GALNTL6: variants seen among roughly 807,000 people sequenced by gnomAD.
GALNTL6 encodes the protein polypeptide N-acetylgalactosaminyltransferase like 6, also known as polypeptide N-acetylgalactosaminyltransferase-like 6.
A neutral mutation model predicts 73.7 loss-of-function variants in GALNTL6; 46 were observed. The observed-to-expected ratio is 0.62, with a 90% CI of 0.49 to 0.80. GALNTL6 has a LOEUF of 0.80. Ranked by LOEUF, GALNTL6 falls within the 30% of genes least tolerant of loss-of-function variation. GALNTL6 has a pLI of 0.00. For synonymous variants in GALNTL6, 259 were observed against 263.7 expected (o/e 0.98, Z 0.17); for missense variants, 604 against 755.0 (o/e 0.80, Z 2.34).
chr4:173,001,188 A>T (rs1214589741), intron 10 of GALNTL6, among the ~76,000 whole-genome samples: 2 of 152,186 alleles, frequency 1.3e-5, no homozygotes, highest in Non-Finnish European at 2.9e-5. Context: ...CACAGCCCTC[A>T]GGAGGAACCA....
At chr4:172,742,589 C>G (rs1243620235) in intron 5 of GALNTL6, among the ~76,000 whole-genome samples, 2 of 151,982 alleles carry the variant, frequency 1.3e-5, no homozygotes, top group Non-Finnish European at 2.9e-5. Context: ...AGTTGGCAAG[C>G]AGGTAATGAG....
intron 2 of GALNTL6, among the ~76,000 whole-genome samples, chr4:172,155,692 C>T (rs536387837): frequency 1.3e-5 from 2 of 152,258 alleles, no homozygotes; most frequent in East Asian, 3.9e-4. Context: ...ATTTAATAAT[C>T]ATCTTTACCT....
chr4:172,136,111 T>C (rs772038847), intron 2 of GALNTL6, among the ~76,000 whole-genome samples: 5 of 152,140 alleles, frequency 3.3e-5, no homozygotes, highest in Non-Finnish European at 7.4e-5. Context: ...AAAATGATAT[T>C]TCATTGAACA....
chr4:172,013,561 CTTTTT>C (rs1741088609), intron 2 of GALNTL6, among the ~76,000 whole-genome samples: 1 of 151,580 alleles, frequency 6.6e-6, no homozygotes, highest in South Asian at 2.1e-4. Context: ...AAAATCTTTT[CTTTTT>C]AATTTTTTGT....
chr4:172,922,547 G>A (rs1024848767), intron 8 of GALNTL6, among the ~76,000 whole-genome samples: 10 of 152,144 alleles, frequency 6.6e-5, no homozygotes, highest in Non-Finnish European at 1.3e-4. Context: ...TGATATCCAG[G>A]GGATAGAGAC....
intron 2 of GALNTL6, among the ~76,000 whole-genome samples, chr4:172,122,888 T>G (rs1046192882): frequency 6.6e-6 from 1 of 151,312 alleles, no homozygotes; most frequent in African/African-American, 2.4e-5. Flanking sequence ...ACTGGAGAAA[T>G]CCAGAAGAAT....
At chr4:172,371,324 G>T (rs1308202177) in intron 5 of GALNTL6, among the ~76,000 whole-genome samples, 3 of 152,150 alleles carry the variant, frequency 2.0e-5, no homozygotes, top group African/African-American at 7.2e-5. Flanking sequence ...AAACTTCCTG[G>T]GTTAAGGACT....
chr4:172,135,555 C>T (rs940671775), intron 2 of GALNTL6, among the ~76,000 whole-genome samples: 2 of 152,078 alleles, frequency 1.3e-5, no homozygotes, highest in African/African-American at 4.8e-5. Context: ...TCTACCAGTT[C>T]ATAGTTAGCG....
At chr4:172,300,046 G>C (rs1739852012) in intron 3 of GALNTL6, among the ~76,000 whole-genome samples, 1 of 152,138 alleles carries the variant, frequency 6.6e-6, no homozygotes, top group Non-Finnish European at 1.5e-5. Flanking sequence ...ATGAATCTGG[G>C]TGCTCCTGTA....
At chr4:172,080,041 T>C (rs770487190) in intron 2 of GALNTL6, among the ~76,000 whole-genome samples, 4 of 152,206 alleles carry the variant, frequency 2.6e-5, no homozygotes, top group South Asian at 2.1e-4. Flanking sequence ...TGTTTTACCA[T>C]AAAATATCTA....
At chr4:171,960,284 T>A (rs1450665632) in intron 2 of GALNTL6, among the ~76,000 whole-genome samples, 1 of 152,124 alleles carries the variant, frequency 6.6e-6, no homozygotes, top group African/African-American at 2.4e-5. Flanking sequence ...TTTTTTCTCT[T>A]ATTTTTTTTG....
Position 172,069,613 on chromosome 4 carries a change from ATAT to A in GALNTL6, c.139-160042_139-160040del, listed in dbSNP as rs1560909805. Among the ~76,000 whole-genome samples the A allele has an allele frequency of 3.1e-4, 9 of 28,856 alleles. 2 individuals carry two copies. The highest frequency in any genetic ancestry group is 9.9e-4 in the African/African-American group (8 of 8,070). 18.9% of individuals were successfully genotyped at this position (28,856 alleles called of 152,430 possible). A position where few individuals can be genotyped will look rare whatever the true frequency, so the allele number is the denominator to read the frequency against. ...TATATAACACATATATGTTATATAT[ATAT>A]AACATATATATATATCCTAAATTTC... On this transcript the variant is annotated intron_variant, in intron 2 of 12. Transcript: ENST00000506823.
chr4:172,838,938 T>C (rs1743059297), intron 7 of GALNTL6, among the ~76,000 whole-genome samples: 1 of 152,198 alleles, frequency 6.6e-6, no homozygotes, highest in Non-Finnish European at 1.5e-5. Flanking sequence ...ATTATCCAAC[T>C]AGAGCATCTG....
At chr4:172,387,201 A>G (rs1323480471) in intron 5 of GALNTL6, among the ~76,000 whole-genome samples, 1 of 152,120 alleles carries the variant, frequency 6.6e-6, no homozygotes, top group Admixed American at 6.6e-5. Flanking sequence ...GTGTACACAA[A>G]CATGTAATTC....
Position 172,145,296 on chromosome 4 carries a change from C to T in GALNTL6, c.139-84360C>T, listed in dbSNP as rs554843257. Among the ~76,000 whole-genome samples, 522 of 152,188 alleles carry T rather than the reference C, an allele frequency of 3.4e-3. 1 individual carries two copies. Among genetic ancestry groups the T allele is most frequent in the Non-Finnish European group, 6.1e-3 (415 of 67,986 alleles). ...CTGGGACTACAGGCGCCCGCCACTA[C>T]GCCCAGCTAATTTTTTTGTATTTTT... On this transcript the variant is annotated intron_variant, in intron 2 of 12. Transcript: ENST00000506823.
intron 2 of GALNTL6, among the ~76,000 whole-genome samples, chr4:172,208,025 C>T (rs1329061144): frequency 1.3e-5 from 2 of 152,042 alleles, no homozygotes; most frequent in African/African-American, 2.4e-5. Context: ...AGTGAGGAAC[C>T]GAGTATTAGT....
chr4:171,948,636 G>C (rs1738775074), intron 2 of GALNTL6, among the ~76,000 whole-genome samples: 1 of 151,862 alleles, frequency 6.6e-6, no homozygotes, highest in African/African-American at 2.4e-5. Context: ...AAAATAAATG[G>C]ATACAAAACT....
chr4:172,956,085 A>G (rs1344264187), intron 10 of GALNTL6, among the ~76,000 whole-genome samples: 1 of 152,114 alleles, frequency 6.6e-6, no homozygotes, highest in Non-Finnish European at 1.5e-5. Flanking sequence ...TTATATTAAT[A>G]AGAAAAATAA....
chr4:172,212,164 A>G (rs759774171), intron 2 of GALNTL6, among the ~76,000 whole-genome samples: 19 of 151,726 alleles, frequency 1.3e-4, no homozygotes, highest in Admixed American at 6.6e-5. Context: ...CTTAATAATT[A>G]GCTTTTTTTT....
Sources: allele counts gnomAD v4.1 joint callset (sites outside exome capture counted in the v4.1 genomes callset), GRCh38; gene constraint gnomAD v4.1.1; transcripts MANE v1.5; gene names NCBI Gene and HGNC (gene_info 2026-07-23, HGNC 2026-07-21).